TMEM232: variants seen among roughly 807,000 people sequenced by gnomAD.
TMEM232 encodes transmembrane protein 232.
Under a neutral mutation model 78.8 loss-of-function variants are expected in TMEM232, and 80 were observed. The ratio of observed to expected loss-of-function variants is 1.01; its 90% CI spans 0.85 to 1.22. TMEM232 has a LOEUF of 1.22. Among genes scored for constraint, TMEM232 ranks in the 50% most tolerant of loss-of-function variants. The probability of loss-of-function intolerance (pLI) is 0.00; values close to 1 mark genes in which losing one functional copy is unlikely to be tolerated. For missense variants in TMEM232, 881 were observed against 742.2 expected (o/e 1.19, Z -2.17); for synonymous variants, 297 against 254.3 (o/e 1.17, Z -1.60).
chr5:110,441,462 G>C (rs9687979), intron 12 of TMEM232, among the ~76,000 whole-genome samples: 1 of 152,054 alleles, frequency 6.6e-6, no homozygotes, highest in African/African-American at 2.4e-5. Flanking sequence ...AGTGAAGTGC[G>C]GGGAGACAGA....
intron 2 of TMEM232, among the ~76,000 whole-genome samples, chr5:110,399,459 T>C (rs1755512000): frequency 6.6e-6 from 1 of 152,146 alleles, no homozygotes; most frequent in Non-Finnish European, 1.5e-5. Flanking sequence ...TGGGAGACAA[T>C]GAGGGCATCA....
intron 11 of TMEM232, among the ~76,000 whole-genome samples, chr5:110,537,003 A>G (rs1772446295): frequency 6.6e-6 from 1 of 152,176 alleles, no homozygotes. Context: ...GAGATGTCTG[A>G]CAGACTAAGA....
chr5:110,720,588 G>A (rs1797494634), intron 1 of TMEM232: 1 of 152,130 alleles, frequency 6.6e-6, no homozygotes, highest in South Asian at 2.1e-4. Flanking sequence ...CTCTGTAATA[G>A]TTCATTGTTT....
intron 12 of TMEM232, among the ~76,000 whole-genome samples, chr5:110,465,823 G>C (rs73784763): frequency 0.039 from 5,899 of 152,188 alleles, 175 homozygotes; most frequent in African/African-American, 0.081. Flanking sequence ...CAATTGGTTA[G>C]AAAAATATGA....
intron 12 of TMEM232, among the ~76,000 whole-genome samples, chr5:110,437,788 C>T (rs539759022): frequency 2.6e-5 from 4 of 152,042 alleles, no homozygotes; most frequent in East Asian, 1.9e-4. Context: ...TTGATGAATA[C>T]GAAGAATAAG....
intron 4 of TMEM232, among the ~76,000 whole-genome samples, chr5:110,640,552 A>G (rs1015922333): frequency 2.0e-5 from 3 of 152,164 alleles, no homozygotes; most frequent in Admixed American, 2.0e-4. Flanking sequence ...TAATAATTAT[A>G]AAATGAAGAA....
chr5:110,598,414 G>C (rs1309297281), intron 10 of TMEM232, among the ~76,000 whole-genome samples: 1 of 152,146 alleles, frequency 6.6e-6, no homozygotes, highest in African/African-American at 2.4e-5. Context: ...CTGTTGGTGG[G>C]ACTGTAAACT....
intron 3 of TMEM232, among the ~76,000 whole-genome samples, chr5:110,395,741 G>T (rs1007640306): frequency 6.6e-6 from 1 of 152,154 alleles, no homozygotes; most frequent in African/African-American, 2.4e-5. Context: ...TTGAAATCAA[G>T]AATCCATTTT....
intron 1 of TMEM232, among the ~76,000 whole-genome samples, chr5:110,708,575 A>G (rs1796167439): frequency 1.1e-5 from 1 of 93,884 alleles, no homozygotes; most frequent in Non-Finnish European, 2.1e-5. Flanking sequence ...GTTAAAAAAC[A>G]GGTGGATGAA....
chr5:110,727,041 T>C (rs188569507), upstream of TMEM232, among the ~76,000 whole-genome samples: 139 of 152,266 alleles, frequency 9.1e-4, no homozygotes, highest in Non-Finnish European at 1.8e-3. Flanking sequence ...AAGTTCCTTT[T>C]ACATAGAAAA....
chr5:110,422,362 C>CA (rs1264493917), intron 13 of TMEM232, among the ~76,000 whole-genome samples: 1 of 150,224 alleles, frequency 6.7e-6, no homozygotes, highest in African/African-American at 2.4e-5. Flanking sequence ...AAACAAAATA[C>CA]AAAAAAAATT....
chr5:110,671,177 T>C (rs1465852774), intron 1 of TMEM232, among the ~76,000 whole-genome samples: 2 of 152,042 alleles, frequency 1.3e-5, no homozygotes, highest in African/African-American at 4.8e-5. Context: ...ATTAGAGAAA[T>C]GCAAACCAAA....
chr5:110,410,829 T>A (rs562225628), intron 2 of TMEM232, among the ~76,000 whole-genome samples: 3 of 152,280 alleles, frequency 2.0e-5, no homozygotes, highest in African/African-American at 7.2e-5. Context: ...ATTGCTTGAA[T>A]GTGGAGAAGA....
intron 1 of TMEM232, among the ~76,000 whole-genome samples, chr5:110,717,772 C>A (rs1797168472): frequency 6.6e-6 from 1 of 152,090 alleles, no homozygotes; most frequent in African/African-American, 2.4e-5. Flanking sequence ...GGCTCTCCCC[C>A]TTTCACTCCT....
At chr5:110,735,289 T>C (rs974393320) in intron 1 of TMEM232, among the ~76,000 whole-genome samples, 2 of 152,214 alleles carry the variant, frequency 1.3e-5, no homozygotes, top group African/African-American at 4.8e-5. Flanking sequence ...GTTGAAACAA[T>C]CTGCAACTTT....
intron 12 of TMEM232, among the ~76,000 whole-genome samples, chr5:110,461,548 G>C (rs1300812068): frequency 1.3e-5 from 2 of 152,210 alleles, no homozygotes; most frequent in Admixed American, 1.3e-4. Context: ...AATTGATGAA[G>C]GTGGCTACAC....
rs1177703437 is a variant in TMEM232 at position 110,605,226 on chromosome 5, G to A, written c.1159C>T (p.His387Tyr). Residue 387 changes from histidine (H) to tyrosine (Y), a missense_variant, in exon 10 of 14, where the codon CAC becomes TAC. By Grantham distance (83) the His-to-Tyr change is moderately conservative (BLOSUM62 2). Coordinates refer to ENST00000455884, the MANE Select transcript of TMEM232 (RefSeq NM_001039763.4). ...ATATTTTTTTGTGAACTTTTACAGT[G>A]ACAGAAACCAATTAAAGCAGTTTTT... is the stretch of plus-strand genomic sequence containing the variant. ...LRKTALIGFC[H>Y]CKSSQKNILY... The A allele has an allele frequency of 1.3e-6, 2 of 1,551,112 alleles. No homozygotes were observed. The highest frequency in any genetic ancestry group is 2.4e-5 in the South Asian group (2 of 84,042).
At chr5:110,392,323 G>C (rs1331041126) in intron 3 of TMEM232, among the ~76,000 whole-genome samples, 1 of 152,292 alleles carries the variant, frequency 6.6e-6, no homozygotes, top group Non-Finnish European at 1.5e-5. Flanking sequence ...AAGGAACAAG[G>C]CAAGCCTAAG....
chr5:110,694,692 T>C (rs1165190034), intron 1 of TMEM232, among the ~76,000 whole-genome samples: 2 of 151,524 alleles, frequency 1.3e-5, no homozygotes, highest in East Asian at 1.9e-4. Flanking sequence ...CCAACAAAGA[T>C]CAACAGAGAC....
Sources: allele counts gnomAD v4.1 joint callset (sites outside exome capture counted in the v4.1 genomes callset), GRCh38; gene constraint gnomAD v4.1.1; transcripts MANE v1.5; gene names NCBI Gene and HGNC (gene_info 2026-07-23, HGNC 2026-07-21).